Variants in PDE4D observed in about 807,000 individuals in gnomAD.
PDE4D encodes phosphodiesterase 4D, also known as 3',5'-cyclic-AMP phosphodiesterase 4D.
Under a neutral mutation model 87.4 loss-of-function variants are expected in PDE4D, and 24 were observed. That is an observed-to-expected ratio of 0.27 (90% CI 0.20 to 0.39). PDE4D has a LOEUF of 0.39. Ranked by LOEUF, PDE4D falls within the 10% of genes least tolerant of loss-of-function variation. The pLI is 1.00. For synonymous variants in PDE4D, 384 were observed against 383.2 expected (o/e 1.00, Z -0.02); for missense variants, 714 against 1,041.0 (o/e 0.69, Z 4.32).
chr5:60,074,971 GC>G (rs1448893745), intron 2 of PDE4D, among the ~76,000 whole-genome samples: 1 of 152,118 alleles, frequency 6.6e-6, no homozygotes, highest in East Asian at 1.9e-4. Context: ...GCCACTCTGT[GC>G]CTTTTAATTG....
chr5:59,279,813 T>C (rs1053302517), intron 1 of PDE4D, among the ~76,000 whole-genome samples: 2 of 148,266 alleles, frequency 1.3e-5, no homozygotes, highest in African/African-American at 2.5e-5. Context: ...ATGTGTGTGT[T>C]TGTGTGTGTG....
chr5:60,240,536 T>C (rs1413906754), intron 1 of PDE4D, among the ~76,000 whole-genome samples: 1 of 152,058 alleles, frequency 6.6e-6, no homozygotes, highest in Non-Finnish European at 1.5e-5. Flanking sequence ...CGGCCAGGTA[T>C]CTAGGGCCTT....
intron 1 of PDE4D, among the ~76,000 whole-genome samples, chr5:59,387,333 G>A (rs1015920836): frequency 6.6e-6 from 1 of 152,016 alleles, no homozygotes; most frequent in South Asian, 2.1e-4. Context: ...AGTACCTGTT[G>A]ATATTAGCAT....
chr5:60,292,954 A>T (rs1000970037), intron 1 of PDE4D, among the ~76,000 whole-genome samples: 2 of 152,096 alleles, frequency 1.3e-5, no homozygotes, highest in African/African-American at 4.8e-5. Context: ...TTGATCATGT[A>T]TATTGGAGAA....
rs555082407 is a variant in PDE4D, at chr5:59,905,297, A to T, written c.272+83191T>A. 2.4e-4 allele frequency among the ~76,000 whole-genome samples: 37 copies of T among 152,282 alleles called. No homozygotes were observed. The South Asian group carries it at 7.5e-3, about 31-fold the overall frequency. On this transcript the variant is annotated intron_variant, in intron 3 of 16. Coordinates refer to the PDE4D transcript ENST00000502484. ...GCTTTGTGGAGCGTGGCAAATGTAG[A>T]TCTAGATTTATGTGCAAGTGGTCCC...
At chr5:60,176,161 G>A (rs541062823) in intron 2 of PDE4D, among the ~76,000 whole-genome samples, 2 of 152,208 alleles carry the variant, frequency 1.3e-5, no homozygotes, top group East Asian at 3.9e-4. Context: ...ACATTTTCAT[G>A]CTAGCCCATA....
chr5:59,888,690 T>C (rs1261086581), intron 1 of PDE4D, among the ~76,000 whole-genome samples: 1 of 152,112 alleles, frequency 6.6e-6, no homozygotes, highest in Non-Finnish European at 1.5e-5. Flanking sequence ...ATGTAGACAA[T>C]CTGAACGGCC....
chr5:59,091,759 CTTAAAAT>C (rs1437618382), intron 5 of PDE4D, among the ~76,000 whole-genome samples: 1 of 152,002 alleles, frequency 6.6e-6, no homozygotes, highest in Non-Finnish European at 1.5e-5. Context: ...ATTTGTTAAA[CTTAAAAT>C]TTAAATTTTA....
At chr5:59,261,505 C>G (rs1762003406) in intron 1 of PDE4D, among the ~76,000 whole-genome samples, 1 of 151,738 alleles carries the variant, frequency 6.6e-6, no homozygotes, top group African/African-American at 2.4e-5. Flanking sequence ...AATATTTTAA[C>G]TAGGGCCTAT....
chr5:60,282,575 C>T (rs1752047359), intron 1 of PDE4D, among the ~76,000 whole-genome samples: 1 of 152,134 alleles, frequency 6.6e-6, no homozygotes, highest in African/African-American at 2.4e-5. Context: ...TTCTCTGTAT[C>T]TATGTCCTCT....
At chr5:59,964,693 C>A (rs1561918207) in intron 3 of PDE4D, among the ~76,000 whole-genome samples, 1 of 152,170 alleles carries the variant, frequency 6.6e-6, no homozygotes, top group East Asian at 1.9e-4. Context: ...TGAATTACTG[C>A]AGTAGCTTCC....
At chr5:60,176,437 G>A (rs1217901101) in intron 2 of PDE4D, among the ~76,000 whole-genome samples, 2 of 152,040 alleles carry the variant, frequency 1.3e-5, no homozygotes, top group African/African-American at 4.8e-5. Flanking sequence ...CTGCATCTCT[G>A]AGCTTAAATC....
chr5:59,857,007 T>C (rs908501144), intron 1 of PDE4D, among the ~76,000 whole-genome samples: 2 of 152,288 alleles, frequency 1.3e-5, no homozygotes, highest in East Asian at 3.9e-4. Context: ...TCAGCATTGA[T>C]TATGTCACAT....
At chr5:60,096,313 G>A (rs1461160027) in intron 2 of PDE4D, among the ~76,000 whole-genome samples, 1 of 152,020 alleles carries the variant, frequency 6.6e-6, no homozygotes, top group Non-Finnish European at 1.5e-5. Context: ...AATAGGGAAA[G>A]GATTCCCTAT....
chr5:60,076,189 C>T (rs111639187), intron 2 of PDE4D, among the ~76,000 whole-genome samples: 2 of 151,548 alleles, frequency 1.3e-5, no homozygotes, highest in South Asian at 2.1e-4. Flanking sequence ...GATGGAGTCT[C>T]GCTCTGTTGC....
rs1057071292 is a variant in PDE4D at position 59,207,424 on chromosome 5, T to G, written c.647+8353A>C. Among the ~76,000 whole-genome samples, 16 of 152,136 alleles carry G rather than the reference T, an allele frequency of 1.1e-4. 1 individual carries two copies. Among genetic ancestry groups the G allele is most frequent in the African/African-American group, 3.9e-4 (16 of 41,534 alleles). ...AGGAAGAATCAGTAATTTTCAACTA[T>G]GGGTCCTTCATCTAGGGGCCGTGTT... On this transcript the variant is annotated intron_variant, in intron 2 of 14. Transcript: ENST00000340635.
chr5:60,058,322 T>C (rs1179988303), intron 2 of PDE4D, among the ~76,000 whole-genome samples: 1 of 151,964 alleles, frequency 6.6e-6, no homozygotes, highest in Non-Finnish European at 1.5e-5. Context: ...TTGCATTTGA[T>C]CTGCTGACTT....
intron 1 of PDE4D, among the ~76,000 whole-genome samples, chr5:59,445,181 T>C (rs1246637613): frequency 6.6e-6 from 1 of 152,186 alleles, no homozygotes; most frequent in Admixed American, 6.5e-5. Flanking sequence ...ATTTGTTATG[T>C]ATCAAAAATT....
At chr5:60,067,986 T>G (rs559274723) in intron 2 of PDE4D, among the ~76,000 whole-genome samples, 1 of 152,322 alleles carries the variant, frequency 6.6e-6, no homozygotes, top group East Asian at 1.9e-4. Flanking sequence ...GACACTTAAG[T>G]TGTTTCTAAA....
Sources: gnomAD v4.1 joint callset for allele counts (sites outside exome capture counted in the v4.1 genomes callset) on GRCh38, gnomAD v4.1.1 for gene constraint, MANE v1.5 for transcripts, NCBI Gene and HGNC (gene_info 2026-07-23, HGNC 2026-07-21) for gene names.